FANCI: variants seen among roughly 807,000 people sequenced by gnomAD.
FANCI encodes the protein Fanconi anemia group I protein.
A neutral mutation model predicts 176.1 loss-of-function variants in FANCI; 156 were observed. The ratio of observed to expected loss-of-function variants is 0.89; its 90% CI spans 0.78 to 1.01. FANCI has a LOEUF of 1.01. Among genes scored for constraint, FANCI ranks in the 50% least tolerant of loss-of-function variants. The pLI is 0.00. For missense variants in FANCI, 1,678 were observed against 1,534.1 expected, an observed-to-expected ratio of 1.09 and a Z score of -1.57; for synonymous variants, 613 against 541.7, an observed-to-expected ratio of 1.13 and a Z score of -1.83.
intron 10 of FANCI, among the ~76,000 whole-genome samples, chr15:89,272,178 T>C (rs2053225543): frequency 1.3e-5 from 2 of 152,224 alleles, no homozygotes; most frequent in Admixed American, 6.5e-5. Context: ...AGGTTTAACT[T>C]TGCATTTTCT....
chr15:89,284,372 CTT>C (rs530465666), intron 17 of FANCI, among the ~76,000 whole-genome samples: 3 of 152,138 alleles, frequency 2.0e-5, no homozygotes, highest in Admixed American at 6.5e-5. Context: ...GGAATCCTCA[CTT>C]TATTGCTTTG....
At chr15:89,263,338 G>GT (rs1017586940) in intron 6 of FANCI, 81 bp from the exon 7 acceptor site, 70 of 1,216,914 alleles carry the variant, frequency 5.8e-5, no homozygotes, top group Admixed American at 5.0e-4. Context: ...AATTGGCCCT[G>GT]TTTTTTTGTC....
At chr15:89,271,343 T>C (rs2053193201) in intron 10 of FANCI, among the ~76,000 whole-genome samples, 1 of 152,226 alleles carries the variant, frequency 6.6e-6, no homozygotes, top group South Asian at 2.1e-4. Flanking sequence ...TAACCACTAA[T>C]CTACTTTCTG....
chr15:89,305,063 A>G, intron 28 of FANCI, 52 bp from the exon 29 acceptor site: 1 of 1,607,312 alleles, frequency 6.2e-7, no homozygotes, highest in Non-Finnish European at 8.5e-7. Context: ...GGCGTGAGCC[A>G]CTGCACTTGG....
chr15:89,244,492 G>C (rs1214858298), intron 1 of FANCI, among the ~76,000 whole-genome samples: 2 of 152,188 alleles, frequency 1.3e-5, no homozygotes, highest in African/African-American at 2.4e-5. Context: ...ATGCTCCCCA[G>C]CGTCTCTTGG....
chr15:89,271,442 T>C (rs2151417422), intron 10 of FANCI, among the ~76,000 whole-genome samples: 1 of 152,346 alleles, frequency 6.6e-6, no homozygotes, highest in African/African-American at 2.4e-5. Context: ...TCATTAAGTG[T>C]AATGTTTTCA....
At chr15:89,296,923 CCCCCCCA>C (rs2054304527) in intron 24 of FANCI, among the ~76,000 whole-genome samples, 2 of 137,024 alleles carry the variant, frequency 1.5e-5, no homozygotes, top group African/African-American at 5.1e-5. Context: ...GGGGGGCTGA[CCCCCCCA>C]CCTCCCTCCC....
At chr15:89,314,964 C>G (rs1435029931) in intron 36 of FANCI, among the ~76,000 whole-genome samples, 1 of 151,560 alleles carries the variant, frequency 6.6e-6, no homozygotes, top group African/African-American at 2.4e-5. Context: ...GCCATCATAC[C>G]CCACTAGTTT....
chr15:89,283,296 G>A (rs2053686697), intron 17 of FANCI, 46 bp downstream of exon 17: 1 of 1,612,294 alleles, frequency 6.2e-7, no homozygotes, highest in Non-Finnish European at 8.5e-7. Context: ...TATCATTCAT[G>A]TGCATCGATG....
At chr15:89,256,478 G>C (rs538785581) in intron 2 of FANCI, among the ~76,000 whole-genome samples, 1 of 152,312 alleles carries the variant, frequency 6.6e-6, no homozygotes, top group South Asian at 2.1e-4. Context: ...GTGGAAGAGA[G>C]AGTTTATTGT....
At position 89,261,605 on chromosome 15, in the gene FANCI, A is replaced by G; in HGVS notation, c.309A>G (p.Pro103=). 4 of 1,614,170 alleles carry G rather than the reference A, an allele frequency of 2.5e-6. No individual in the cohort carries two copies. Among genetic ancestry groups the G allele is most frequent in the Non-Finnish European group, 3.4e-6 (4 of 1,180,022 alleles). The change falls in exon 5 of 38, where the codon CCA becomes CCG. Residue 103 remains proline (P), a synonymous_variant. Coordinates refer to ENST00000310775, the MANE Select transcript of FANCI (RefSeq NM_001113378.2). ...LMLEAHHFPG[P]LLVELANEFI... ...TTTAGGCTCACCATTTTCCAGGACC[A>G]TTATTGGTTGAATTAGCCAATGAGT... is the stretch of plus-strand genomic sequence containing the variant.
Position 89,274,372 on chromosome 15 carries a change from C to A in FANCI, c.1112+68C>A, listed in dbSNP as rs913459532. 8 of 1,557,648 alleles carry A rather than the reference C, an allele frequency of 5.1e-6. No individual in the cohort carries two copies. In the African/African-American group the frequency reaches 9.5e-5, roughly 18 times the overall value. ...AATGTTAGAAAATGCAATGTGATAT[C>A]ATACTTGCAGCCTGTGAGGGGAAAC... On this transcript the variant is annotated intron_variant, in intron 12 of 37. Transcript: ENST00000310775.
At chr15:89,316,357 A>G (rs1489929200) in intron 37 of FANCI, 40 bp from the exon 38 acceptor site, 2 of 1,578,730 alleles carry the variant, frequency 1.3e-6, no homozygotes, top group South Asian at 2.3e-5. Context: ...GCCTTGGAGC[A>G]GGTTTATCAC....
At chr15:89,286,977 C>CTTTTTTTTTTTTTTTTTTTTTTTTTTTT (rs543431700) in intron 18 of FANCI, among the ~76,000 whole-genome samples, 3 of 86,054 alleles carry the variant, frequency 3.5e-5, no homozygotes, top group African/African-American at 1.4e-4. Context: ...TCACCTTGCA[C>CTTTTTTTTTTTTTTTTTTTTTTTTTTTT]TTTTTTTTTT....
intron 3 of FANCI, among the ~76,000 whole-genome samples, chr15:89,260,372 T>G (rs114946143): frequency 0.024 from 3,625 of 152,294 alleles, 150 homozygotes; most frequent in African/African-American, 0.082. Flanking sequence ...GCTAAATGTT[T>G]TGATTTTAAA....
intron 10 of FANCI, among the ~76,000 whole-genome samples, chr15:89,271,390 A>C (rs564775422): frequency 6.6e-6 from 1 of 152,324 alleles, no homozygotes; most frequent in African/African-American, 2.4e-5. Context: ...ATTTTGTATA[A>C]ATGGAATTAT....
chr15:89,281,045 T>G, intron 14 of FANCI, 125 bp from the exon 15 acceptor site: 1 of 910,118 alleles, frequency 1.1e-6, no homozygotes, highest in South Asian at 1.4e-5. Flanking sequence ...GAAATTTGTA[T>G]TGCAGTATAC....
intron 23 of FANCI, 107 bp from the exon 24 acceptor site, chr15:89,294,808 T>A (rs1478068704): frequency 8.4e-7 from 1 of 1,191,442 alleles, no homozygotes; most frequent in East Asian, 2.6e-5. Context: ...ACTGGCAAGC[T>A]CTGTTGGGTG....
intron 10 of FANCI, among the ~76,000 whole-genome samples, chr15:89,271,876 T>C (rs1427690094): frequency 1.3e-5 from 2 of 152,242 alleles, no homozygotes; most frequent in African/African-American, 2.4e-5. Flanking sequence ...TTGAATTGTT[T>C]CTACTGTTTG....
Sources: gnomAD v4.1 joint callset for allele counts (sites outside exome capture counted in the v4.1 genomes callset) on GRCh38, gnomAD v4.1.1 for gene constraint, MANE v1.5 for transcripts, NCBI Gene and HGNC (gene_info 2026-07-23, HGNC 2026-07-21) for gene names.